Variants in HPGD observed in about 807,000 individuals in gnomAD.
The protein encoded by HPGD is 15-hydroxyprostaglandin dehydrogenase.
Under a neutral mutation model 30.0 loss-of-function variants are expected in HPGD, and 29 were observed. The ratio of observed to expected loss-of-function variants is 0.97; its 90% confidence interval spans 0.72 to 1.32. The LOEUF is 1.32. HPGD is among the 40% of genes most tolerant of loss of function. The probability of loss-of-function intolerance (pLI) is 0.00; values close to 1 mark genes in which losing one functional copy is unlikely to be tolerated. For synonymous variants in HPGD, 99 were observed against 112.4 expected, an observed-to-expected ratio of 0.88 and a Z score of 0.75; for missense variants, 340 against 322.1, an observed-to-expected ratio of 1.06 and a Z score of -0.43.
At chr4:174,508,581 G>T (rs191709209) in intron 4 of HPGD, 115 bp downstream of exon 4, 4 of 738,444 alleles carry the variant, frequency 5.4e-6, no homozygotes, top group South Asian at 2.9e-5. Flanking sequence ...ACTATAAAAC[G>T]ATCAGATTTT....
intron 2 of HPGD, among the ~76,000 whole-genome samples, chr4:174,518,704 A>T (rs1273037156): frequency 6.6e-6 from 1 of 152,134 alleles, no homozygotes; most frequent in African/African-American, 2.4e-5. Context: ...CACTATTATT[A>T]CTACTTCAGA....
chr4:174,494,302 T>A lies in HPGD; in HGVS notation c.499-988A>T, dbSNP rs1258108021. ...TTATGTATTGACTGGTTGATTGGAGTTTTGTGACCAGAGGCTTTCAGGAAC... is the reference window on the plus strand; with the variant it reads ...TTATGTATTGACTGGTTGATTGGAGATTTGTGACCAGAGGCTTTCAGGAAC... On this transcript the variant is annotated intron_variant, in intron 5 of 6. Coordinates refer to ENST00000296522, the MANE Select transcript of HPGD (RefSeq NM_000860.6). This position sits in a 1 kb window ranked among gnomAD's most constrained non-coding sequence, Gnocchi z 4.9. Among the ~76,000 whole-genome samples, 3 of 152,018 alleles carry A rather than the reference T, an allele frequency of 2.0e-5. No individual in the cohort carries two copies. The highest frequency in any genetic ancestry group is 7.2e-5 in the African/African-American group (3 of 41,382).
Position 174,494,060 on chromosome 4 carries a change from T to C in HPGD, c.499-746A>G, listed in dbSNP as rs1560975095. The stretch of plus-strand genomic sequence containing the variant: ...ATGTTTTTCTAATTTTGTGCTTTTT[T>C]ATTGGTGATTCTGCTGTTTAAAATG... On this transcript the variant is annotated intron_variant, in intron 5 of 6. Transcript: ENST00000296522. The surrounding 1 kb of genome is among the most constrained non-coding windows in gnomAD (Gnocchi z 4.9). 6.6e-6 allele frequency among the ~76,000 whole-genome samples: 1 copy of C among 152,184 alleles called. No homozygotes were observed. The highest frequency in any genetic ancestry group is 2.1e-4 in the South Asian group (1 of 4,830).
intron 2 of HPGD, among the ~76,000 whole-genome samples, chr4:174,519,375 G>A (rs980660160): frequency 3.3e-5 from 5 of 151,948 alleles, no homozygotes; most frequent in Non-Finnish European, 5.9e-5. Flanking sequence ...CACCACGCCC[G>A]GCTAATTTTT....
rs751997121 is a variant in HPGD, at chr4:174,493,247, G to A, written c.566C>T (p.Ala189Val). The A allele has an allele frequency of 6.8e-6, 11 of 1,613,004 alleles. No homozygotes were observed. In the South Asian group the frequency reaches 1.2e-4, roughly 18 times the overall value. The change falls in exon 6 of 7, where the codon GCC becomes GTC. Residue 189 changes from alanine (A) to valine (V), a missense_variant. Coordinates refer to ENST00000296522, the MANE Select transcript of HPGD (RefSeq NM_000860.6). Reference protein sequence around the residue: ...NAICPGFVNTAILESIEKEEN... With the variant: ...NAICPGFVNTVILESIEKEEN... ...TTCTTTTTCAATTGATTCAAGGATGGCTGTGTTAACAAAGCCTGGACAAAT... is the reference window on the plus strand; with the variant it reads ...TTCTTTTTCAATTGATTCAAGGATGACTGTGTTAACAAAGCCTGGACAAAT...
chr4:174,518,249 T>G (rs1735897886), intron 2 of HPGD, among the ~76,000 whole-genome samples, 172 bp from the exon 3 acceptor site: 1 of 152,208 alleles, frequency 6.6e-6, no homozygotes, highest in African/African-American at 2.4e-5. Flanking sequence ...GTTTGTGGAC[T>G]AGAAGCATCA....
Position 174,493,214 on chromosome 4 carries a change from A to T in HPGD, c.599T>A (p.Met200Lys), listed in dbSNP as rs764179314. The T allele has an allele frequency of 1.9e-6, 3 of 1,610,180 alleles. No homozygotes were observed. The highest frequency in any genetic ancestry group is 2.7e-5 in the African/African-American group (2 of 74,798). ...ATCCTTATATTCTATATATTGTCCC[A>T]TGTTTTCTTCTTTTTCAATTGATTC... ...ILESIEKEEN[M>K]GQYIEYKDHI... is the part of the protein sequence containing the mutation. Residue 200 changes from methionine (M) to lysine (K), a missense_variant, in exon 6 of 7, where the codon ATG becomes AAG. Transcript: ENST00000296522.
At chr4:174,513,272 T>C (rs1270830948) in intron 3 of HPGD, among the ~76,000 whole-genome samples, 2 of 152,208 alleles carry the variant, frequency 1.3e-5, no homozygotes, top group African/African-American at 4.8e-5. Flanking sequence ...GATAGCCTGG[T>C]TCAAAGAAAA....
At chr4:174,493,528 A>G in intron 5 of HPGD, 1 of 490,714 alleles carries the variant, frequency 2.0e-6, no homozygotes, top group Non-Finnish European at 3.6e-6. Context: ...AATTTTTTTT[A>G]AAAATCAGTA....
intron 4 of HPGD, among the ~76,000 whole-genome samples, chr4:174,498,213 G>A (rs1422960928): frequency 6.6e-6 from 1 of 152,180 alleles, no homozygotes; most frequent in Non-Finnish European, 1.5e-5. Flanking sequence ...CTCCCAAAGT[G>A]CTGGGATTAC....
rs1341649521 is a variant in HPGD, at chr4:174,522,420, G to A, written c.32C>T (p.Thr11Ile). The change falls in exon 1 of 7, where the codon ACC becomes ATC. Residue 11 changes from threonine to isoleucine, a missense_variant. By Grantham distance (89) the Thr-to-Ile change is moderately conservative (BLOSUM62 -1). Coordinates refer to ENST00000296522, the MANE Select transcript of HPGD (RefSeq NM_000860.6). MHVNGKVALV[T>I]GAAQGIGRAF... ...TCTGCCTATGCCCTGAGCCGCGCCGGTCACCAGCGCCACTTTGCCGTTCAC... is the reference window on the plus strand; with the variant it reads ...TCTGCCTATGCCCTGAGCCGCGCCGATCACCAGCGCCACTTTGCCGTTCAC... 6.3e-7 allele frequency: 1 copy of A among 1,583,586 alleles called. No individual in the cohort carries two copies. Among genetic ancestry groups the A allele is most frequent in the Non-Finnish European group, 8.6e-7 (1 of 1,165,692 alleles).
intron 4 of HPGD, among the ~76,000 whole-genome samples, chr4:174,502,791 T>TG (rs570364698): frequency 1.3e-5 from 2 of 152,144 alleles, no homozygotes; most frequent in Non-Finnish European, 2.9e-5. Context: ...CTCAGACAGT[T>TG]GCTACTAGTG....
intron 4 of HPGD, chr4:174,507,810 A>T: frequency 3.3e-6 from 1 of 299,746 alleles, no homozygotes. Context: ...GAAGGATAAG[A>T]TATCAGCTGA....
chr4:174,516,416 T>TA (rs1313239320), intron 3 of HPGD, among the ~76,000 whole-genome samples: 4 of 152,214 alleles, frequency 2.6e-5, no homozygotes, highest in African/African-American at 9.6e-5. Context: ...TGTTCTCACT[T>TA]ACAAACAGGA....
In HPGD at chr4:174,492,569, A is replaced by G. The variant is rs1734390751; in HGVS notation, c.663-475T>C. 6.6e-6 allele frequency among the ~76,000 whole-genome samples: 1 copy of G among 152,050 alleles called. No homozygotes were observed. Among genetic ancestry groups the G allele is most frequent in the South Asian group, 2.1e-4 (1 of 4,830 alleles). On this transcript the variant is annotated intron_variant, in intron 6 of 6. Transcript: ENST00000296522. The surrounding 1 kb of genome is among the most constrained non-coding windows in gnomAD (Gnocchi z 4.9). ...GTATCATTTTATTTAAGTTTTTCAA[A>G]GTCCCTAAGTCTGTTGTATTATCTC...
At chr4:174,507,527 C>G (rs1035872644) in intron 4 of HPGD, 2 of 152,176 alleles carry the variant, frequency 1.3e-5, no homozygotes, top group Admixed American at 1.3e-4. Flanking sequence ...ATCACTGGAG[C>G]TGAGATGCCA....
chr4:174,522,413 C>T lies in HPGD; in HGVS notation c.39G>A (p.Ala13=), dbSNP rs1393830095. The T allele has an allele frequency of 2.5e-6, 4 of 1,584,052 alleles. No homozygotes were observed. The African/African-American group carries it at 4.0e-5, about 16-fold the overall frequency. ...CAAAGGCTCTGCCTATGCCCTGAGC[C>T]GCGCCGGTCACCAGCGCCACTTTGC... ...VNGKVALVTG[A]AQGIGRAFAE... Residue 13 remains alanine (A), a synonymous_variant, in exon 1 of 7, where the codon GCG becomes GCA. Coordinates refer to ENST00000296522, the MANE Select transcript of HPGD (RefSeq NM_000860.6).
At chr4:174,521,780 G>A (rs1419197991) in intron 2 of HPGD, among the ~76,000 whole-genome samples, 164 bp downstream of exon 2, 2 of 152,246 alleles carry the variant, frequency 1.3e-5, no homozygotes, top group African/African-American at 2.4e-5. Context: ...CTATTGGGCT[G>A]TCAGAAGGAA....
intron 3 of HPGD, among the ~76,000 whole-genome samples, chr4:174,509,507 G>C (rs1313801395): frequency 2.0e-5 from 3 of 152,208 alleles, no homozygotes; most frequent in Admixed American, 1.3e-4. Context: ...CAGGATGGAT[G>C]CTGCTGAGAA....
Sources: allele counts gnomAD v4.1 joint callset (sites outside exome capture counted in the v4.1 genomes callset), GRCh38; gene constraint gnomAD v4.1.1; non-coding constraint Gnocchi (gnomAD v3.1); transcripts MANE v1.5; gene names NCBI Gene and HGNC (gene_info 2026-07-23, HGNC 2026-07-21).